Variants in CAPN2 observed in about 807,000 individuals in gnomAD.
CAPN2 encodes calpain 2, also known as calpain-2 catalytic subunit.
A neutral mutation model predicts 102.3 loss-of-function variants in CAPN2; 92 were observed. The observed-to-expected ratio is 0.90, with a 90% CI of 0.76 to 1.07. The LOEUF is 1.07. Ranked by LOEUF, CAPN2 falls within the 50% of genes least tolerant of loss-of-function variation. The pLI, the probability that CAPN2 is intolerant of heterozygous loss-of-function variation, is 0.00. For synonymous variants in CAPN2, 340 were observed against 355.4 expected (o/e 0.96, Z 0.49); for missense variants, 800 against 909.4 (o/e 0.88, Z 1.55).
intron 14 of CAPN2, among the ~76,000 whole-genome samples, chr1:223,762,546 A>G (rs759195840): frequency 2.6e-5 from 4 of 152,158 alleles, no homozygotes; most frequent in African/African-American, 4.8e-5. Context: ...TTCTACACCA[A>G]TTGAGGCATG....
chr1:223,768,819 G>C (rs12034382), intron 16 of CAPN2, among the ~76,000 whole-genome samples: 3 of 151,512 alleles, frequency 2.0e-5, no homozygotes, highest in African/African-American at 7.3e-5. Flanking sequence ...CTACCCATGA[G>C]CATGGAATGT....
intron 16 of CAPN2, among the ~76,000 whole-genome samples, chr1:223,769,309 C>T (rs770892866): frequency 1.3e-5 from 2 of 151,988 alleles, no homozygotes; most frequent in Non-Finnish European, 2.9e-5. Flanking sequence ...TTAGTAGAGA[C>T]AGGGTTTCAC....
At chr1:223,708,423 TAAA>T (rs35955532), upstream of CAPN2, among the ~76,000 whole-genome samples, 4 of 135,842 alleles carry the variant, frequency 2.9e-5, no homozygotes, top group Non-Finnish European at 4.8e-5. Context: ...AAACTCTGTT[TAAA>T]AAAAAAAAAA....
chr1:223,721,236 G>C (rs1218447246), intron 2 of CAPN2, among the ~76,000 whole-genome samples: 1 of 152,216 alleles, frequency 6.6e-6, no homozygotes, highest in Non-Finnish European at 1.5e-5. Context: ...AAGGGCTGGA[G>C]ACCCAGCTGG....
intron 16 of CAPN2, among the ~76,000 whole-genome samples, chr1:223,769,143 G>T (rs982771077): frequency 6.6e-6 from 1 of 151,944 alleles, no homozygotes; most frequent in East Asian, 1.9e-4. Flanking sequence ...TTTTTGAGAC[G>T]GGGTCTCACT....
rs1440675579 is a variant in CAPN2, at chr1:223,755,480, A to G, written c.1136A>G (p.Asn379Ser). Residue 379 changes from asparagine (N) to serine (S), a missense_variant and splice_region_variant, in exon 10 of 21, where the codon AAC (asparagine) becomes AGC (serine). Physicochemically the swap from Asn to Ser is conservative, Grantham distance 46. Coordinates refer to ENST00000295006, the MANE Select transcript of CAPN2 (RefSeq NM_001748.5). This position sits in a 1 kb window ranked among gnomAD's most constrained non-coding sequence, Gnocchi z 4.1. Reference sequence around the variant, plus strand: ...CTCCTCTGCCCCTTTCTGGCTGCAGACACATTCTGGATGAACCCTCAGTAC... The same window carrying G: ...CTCCTCTGCCCCTTTCTGGCTGCAGGCACATTCTGGATGAACCCTCAGTAC... The part of the protein sequence containing the change: ...STAGGCRNYP[N>S]TFWMNPQYLI... 1.9e-6 allele frequency: 3 copies of G among 1,613,862 alleles called. No individual in the cohort carries two copies. The East Asian group carries it at 6.7e-5, about 36-fold the overall frequency.
chr1:223,714,922 A>C (rs528569777), intron 1 of CAPN2, among the ~76,000 whole-genome samples: 10 of 152,338 alleles, frequency 6.6e-5, no homozygotes, highest in African/African-American at 2.4e-4. Context: ...GCCACTGCTT[A>C]GGGCAGGCGG....
At chr1:223,750,165 A>G (rs1301770114) in intron 6 of CAPN2, among the ~76,000 whole-genome samples, 2 of 152,160 alleles carry the variant, frequency 1.3e-5, no homozygotes, top group Non-Finnish European at 1.5e-5. Flanking sequence ...ATTTTCACGT[A>G]TACAGAAAAG....
At position 223,754,090 on chromosome 1, in the gene CAPN2, G is replaced by T. The variant is rs745332900; in HGVS notation, c.1135+1134G>T. On this transcript the variant is annotated intron_variant, in intron 9 of 20. Coordinates refer to ENST00000295006, the MANE Select transcript of CAPN2 (RefSeq NM_001748.5). The surrounding 1 kb of genome is among the most constrained non-coding windows in gnomAD (Gnocchi z 4.7). ...AGTGACTTGCTGAAGGCCACAGAGC[G>T]TGCTGGGATTTGAACCCAGGCCCCC... Among the ~76,000 whole-genome samples the T allele has an allele frequency of 1.3e-5, 2 of 152,220 alleles. No individual in the cohort carries two copies. Among genetic ancestry groups the T allele is most frequent in the African/African-American group, 4.8e-5 (2 of 41,460 alleles).
intron 14 of CAPN2, among the ~76,000 whole-genome samples, chr1:223,762,848 TTTTTA>T (rs1235720646): frequency 6.6e-6 from 1 of 152,046 alleles, no homozygotes; most frequent in Non-Finnish European, 1.5e-5. Flanking sequence ...GTCTAGCTAA[TTTTTA>T]TTTTATTTTT....
Position 223,759,539 on chromosome 1 carries a change from T to G in CAPN2, c.1529+58T>G. On this transcript the variant is annotated intron_variant, in intron 12 of 20. Transcript: ENST00000295006. This position sits in a 1 kb window ranked among gnomAD's most constrained non-coding sequence, Gnocchi z 4.6. The stretch of plus-strand genomic sequence containing the variant: ...TTCCCTGTCCCTCCCCACTGGTCTG[T>G]TCCTCGGCCCCTAGAGGGCTCTTTC... The G allele has an allele frequency of 1.4e-6, 2 of 1,459,566 alleles. No individual in the cohort carries two copies. The highest frequency in any genetic ancestry group is 1.9e-6 in the Non-Finnish European group (2 of 1,048,220). The allele number at this position is 1,459,566 out of a possible 1,614,324, so 90.4% of individuals were successfully genotyped here. A position where few individuals can be genotyped will look rare whatever the true frequency, so the allele number is the denominator to read the frequency against.
chr1:223,717,709 T>C, intron 1 of CAPN2, 53 bp from the exon 2 acceptor site: 2 of 1,458,280 alleles, frequency 1.4e-6, no homozygotes, highest in South Asian at 2.3e-5. Flanking sequence ...GCATCCTAGC[T>C]GCAGAAGCAC....
chr1:223,719,831 T>C (rs72749515), intron 2 of CAPN2, among the ~76,000 whole-genome samples: 1,128 of 96,762 alleles, frequency 0.012, 9 homozygotes, highest in Middle Eastern at 0.02. Context: ...TGTGTGTGTG[T>C]GCGCGCGCGC....
rs1293258153 is a variant in CAPN2 at position 223,759,560 on chromosome 1, C to T, written c.1529+79C>T. The T allele has an allele frequency of 1.8e-6, 2 of 1,142,588 alleles. No individual in the cohort carries two copies. The highest frequency in any genetic ancestry group is 1.5e-5 in the African/African-American group (1 of 65,484). The allele number at this position is 1,142,588 out of a possible 1,614,324, so 70.8% of individuals were successfully genotyped here. On this transcript the variant is annotated intron_variant, in intron 12 of 20. Coordinates refer to ENST00000295006, the MANE Select transcript of CAPN2 (RefSeq NM_001748.5). The surrounding 1 kb of genome is among the most constrained non-coding windows in gnomAD (Gnocchi z 4.6). ...TCTGTTCCTCGGCCCCTAGAGGGCT[C>T]TTTCATCCTCTGAATGTCAGTTACT...
chr1:223,721,087 C>A (rs1660039897), intron 2 of CAPN2, among the ~76,000 whole-genome samples: 1 of 152,206 alleles, frequency 6.6e-6, no homozygotes, highest in Admixed American at 6.5e-5. Flanking sequence ...ACGCTCCTTC[C>A]CAGAAGGCTC....
Position 223,712,846 on chromosome 1 carries a change from A to T in CAPN2, c.206A>T (p.Lys69Ile). Residue 69 changes from lysine (K) to isoleucine (I), a missense_variant, in exon 1 of 21, where the codon AAA (lysine) becomes ATA (isoleucine). Transcript: ENST00000295006. ...GFKELGPYSSKTRGIEWKRPT... is the reference protein window; with the variant it reads ...GFKELGPYSSITRGIEWKRPT... The stretch of plus-strand genomic sequence containing the variant: ...AAGGAGTTGGGGCCCTACTCCAGCA[A>T]AACCCGGGGCATCGAGTGGAAGCGC... The T allele has an allele frequency of 6.4e-7, 1 of 1,555,930 alleles. No individual in the cohort carries two copies. Among genetic ancestry groups the T allele is most frequent in the South Asian group, 1.2e-5 (1 of 83,550 alleles).
upstream of CAPN2, among the ~76,000 whole-genome samples, chr1:223,710,549 G>A (rs1483508727): frequency 6.6e-6 from 1 of 152,064 alleles, no homozygotes; most frequent in Non-Finnish European, 1.5e-5. Context: ...ATGAAGGAAA[G>A]GCAAGGTCGG....
upstream of CAPN2, among the ~76,000 whole-genome samples, chr1:223,710,293 AAAC>A (rs924382768): frequency 8.6e-5 from 13 of 151,826 alleles, no homozygotes; most frequent in African/African-American, 2.9e-4. Context: ...AGAAAAACAA[AAAC>A]AACAACAACA....
At position 223,756,994 on chromosome 1, in the gene CAPN2, G is replaced by C. The variant is rs1248638351; in HGVS notation, c.1306-375G>C. ...ACCGGACCACTGGACCTGGCTGACA[G>C]AGGCCGGCACTGCTGGCTCCTAGCC... On this transcript the variant is annotated intron_variant, in intron 10 of 20. Coordinates refer to ENST00000295006, the MANE Select transcript of CAPN2 (RefSeq NM_001748.5). The surrounding 1 kb of genome is among the most constrained non-coding windows in gnomAD (Gnocchi z 4.1). 6.6e-6 allele frequency among the ~76,000 whole-genome samples: 1 copy of C among 152,208 alleles called. No individual in the cohort carries two copies. Among genetic ancestry groups the C allele is most frequent in the Non-Finnish European group, 1.5e-5 (1 of 68,040 alleles).
Sources: gnomAD v4.1 joint callset for allele counts (sites outside exome capture counted in the v4.1 genomes callset) on GRCh38, gnomAD v4.1.1 for gene constraint, Gnocchi (gnomAD v3.1) non-coding constraint, MANE v1.5 for transcripts, NCBI Gene and HGNC (gene_info 2026-07-23, HGNC 2026-07-21) for gene names.